The following DNAH6 variants were observed in gnomAD, a reference collection of about 807,000 sequenced individuals.
DNAH6 encodes the protein axonemal beta dynein heavy chain 6.
A neutral mutation model predicts 491.4 loss-of-function variants in DNAH6; 340 were observed. That is an observed-to-expected ratio of 0.69 (90% CI 0.63 to 0.76). The LOEUF is 0.76. Ranked by LOEUF, DNAH6 falls within the 30% of genes least tolerant of loss-of-function variation. The pLI is 0.00. For missense variants in DNAH6, 4,443 were observed against 4,972.2 expected, an observed-to-expected ratio of 0.89 and a Z score of 3.20; for synonymous variants, 1,603 against 1,686.1, an observed-to-expected ratio of 0.95 and a Z score of 1.21.
chr2:84,595,855 C>T (rs1684527375), intron 18 of DNAH6, 66 bp downstream of exon 18: 1 of 1,392,618 alleles, frequency 7.2e-7, no homozygotes, highest in South Asian at 1.7e-5. Flanking sequence ...GCTAATGAGA[C>T]CAAAATCAGG....
intron 64 of DNAH6, among the ~76,000 whole-genome samples, chr2:84,769,412 T>G (rs184281369): frequency 6.6e-5 from 10 of 152,344 alleles, no homozygotes; most frequent in African/African-American, 2.2e-4. Context: ...TAATCAACTT[T>G]ATCAAAACTC....
chr2:84,779,095 TG>T (rs1676426544), intron 64 of DNAH6, among the ~76,000 whole-genome samples: 1 of 152,208 alleles, frequency 6.6e-6, no homozygotes, highest in Non-Finnish European at 1.5e-5. Context: ...CACATACAGA[TG>T]AAAAAAATGT....
At chr2:84,804,261 A>G (rs1324631232) in intron 70 of DNAH6, among the ~76,000 whole-genome samples, 1 of 151,850 alleles carries the variant, frequency 6.6e-6, no homozygotes, top group African/African-American at 2.4e-5. Flanking sequence ...TTTCCAAAAA[A>G]TAGATAAGTA....
intron 4 of DNAH6, among the ~76,000 whole-genome samples, chr2:84,535,596 A>G (rs2104479764): frequency 6.6e-6 from 1 of 151,872 alleles, no homozygotes; most frequent in East Asian, 1.9e-4. Flanking sequence ...AACACATAAT[A>G]TCTAACATCA....
chr2:84,769,265 T>G (rs1250517576), intron 64 of DNAH6, among the ~76,000 whole-genome samples: 1 of 152,192 alleles, frequency 6.6e-6, no homozygotes, highest in African/African-American at 2.4e-5. Flanking sequence ...AAAGCCATAT[T>G]TTACGTGCCT....
rs1267994844 is a variant in DNAH6, at chr2:84,733,407, C to CT, written c.10207-34dup. ...AAGTGAAAGTATATTTTGTGATTGC[C>CT]TTTGTGAATTATTATTCATTTTCTG... On this transcript the variant is annotated intron_variant, in intron 61 of 76. Coordinates refer to ENST00000389394, the MANE Select transcript of DNAH6 (RefSeq NM_001370.2). The CT allele has an allele frequency of 5.2e-6, 8 of 1,536,400 alleles. 1 individual carries two copies. In the Admixed American group the frequency reaches 7.9e-5, roughly 15 times the overall value.
chr2:84,709,628 C>T (rs1166859715), intron 55 of DNAH6, 82 bp downstream of exon 55: 3 of 1,429,828 alleles, frequency 2.1e-6, no homozygotes, highest in African/African-American at 1.4e-5. Flanking sequence ...AAGTGGGCCT[C>T]AATGTACTTG....
chr2:84,508,087 G>A, the DNAH6 span, among the ~76,000 whole-genome samples: 1 of 152,232 alleles, frequency 6.6e-6, no homozygotes, highest in Non-Finnish European at 1.5e-5. Flanking sequence ...CTCATAAAAT[G>A]AGTTAGGGAG....
chr2:84,585,626 C>T (rs1414296062), intron 15 of DNAH6, among the ~76,000 whole-genome samples: 1 of 152,026 alleles, frequency 6.6e-6, no homozygotes, highest in East Asian at 1.9e-4. Context: ...GGGTAGCTCC[C>T]CTCTGCAGCT....
chr2:84,728,455 CTG>C (rs1305167656), intron 61 of DNAH6, among the ~76,000 whole-genome samples: 5 of 152,224 alleles, frequency 3.3e-5, no homozygotes, highest in Admixed American at 1.3e-4. Context: ...CTCCAACTAA[CTG>C]TGTAATGTAT....
intron 59 of DNAH6, among the ~76,000 whole-genome samples, chr2:84,720,992 G>A (rs535409611): frequency 6.6e-6 from 1 of 152,258 alleles, no homozygotes. Flanking sequence ...ACTCCTCTCA[G>A]CTCTTAGAAT....
Position 84,607,022 on chromosome 2 carries a change from C to T in DNAH6, c.3221C>T (p.Ser1074Leu), listed in dbSNP as rs1342356725. The change falls in exon 21 of 77, where the codon TCA becomes TTA. Residue 1074 changes from serine to leucine, a missense_variant. Ser to Leu is a moderately radical substitution (Grantham distance 145). This residue lies in a region of DNAH6 where 2,977 missense variants were observed against 3,296.6 expected (regional missense o/e 0.90). Transcript: ENST00000389394. The part of the protein sequence containing the change: ...STINVATLAS[S>L]RYLGPLKTRV... ...ATCAATGTTGCAACTCTTGCCTCAT[C>T]ACGTTACCTTGGTCCACTGAAAACT... The T allele has an allele frequency of 2.6e-6, 4 of 1,551,442 alleles. No individual in the cohort carries two copies. The South Asian group carries it at 4.8e-5, about 18-fold the overall frequency.
At position 84,669,406 on chromosome 2, in the gene DNAH6, A is replaced by G. The variant is rs771020390; in HGVS notation, c.6202A>G (p.Met2068Val). The G allele has an allele frequency of 7.7e-6, 12 of 1,552,058 alleles. No individual in the cohort carries two copies. The highest frequency in any genetic ancestry group is 1.0e-5 in the Non-Finnish European group (12 of 1,147,052). The change falls in exon 38 of 77, where the codon ATG (methionine) becomes GTG (valine). Residue 2068 changes from methionine to valine, a missense_variant. Met to Val is a conservative substitution (Grantham distance 21, BLOSUM62 1). This residue lies in a region of DNAH6 where 2,977 missense variants were observed against 3,296.6 expected (regional missense o/e 0.90). Coordinates refer to ENST00000389394, the MANE Select transcript of DNAH6 (RefSeq NM_001370.2). ...KYNRDVPFFEMLVPTTDTVRY... is the reference protein window; with the variant it reads ...KYNRDVPFFEVLVPTTDTVRY... The stretch of plus-strand genomic sequence containing the variant: ...CAACCGAGATGTTCCATTTTTTGAA[A>G]TGCTTGTCCCCACAACTGACACAGT...
rs1219408576 is a variant in DNAH6 at position 84,787,373 on chromosome 2, C to G, written c.11239+71C>G. On this transcript the variant is annotated intron_variant, in intron 68 of 76. Coordinates refer to ENST00000389394, the MANE Select transcript of DNAH6 (RefSeq NM_001370.2). Reference sequence around the variant, plus strand: ...GTTGTTGGTTTACTCCCACCTGGCCCTTACAAAGATGGTGTCCTCCCCCAG... The same window carrying G: ...GTTGTTGGTTTACTCCCACCTGGCCGTTACAAAGATGGTGTCCTCCCCCAG... The G allele has an allele frequency of 4.8e-6, 6 of 1,261,218 alleles. No homozygotes were observed. The East Asian group carries it at 1.6e-4, about 34-fold the overall frequency. 78.1% of individuals were successfully genotyped at this position (1,261,218 alleles called of 1,614,324 possible).
At chr2:84,510,927 C>T in the DNAH6 span, among the ~76,000 whole-genome samples, 1 of 152,160 alleles carries the variant, frequency 6.6e-6, no homozygotes, top group Admixed American at 6.5e-5. Flanking sequence ...CTGATCATTC[C>T]ACTGGAAGTT....
At chr2:84,533,260 T>G (rs551482699) in intron 4 of DNAH6, among the ~76,000 whole-genome samples, 1 of 152,170 alleles carries the variant, frequency 6.6e-6, no homozygotes, top group Admixed American at 6.6e-5. Flanking sequence ...GGATACTAAC[T>G]GTGCACTTTT....
intron 71 of DNAH6, among the ~76,000 whole-genome samples, chr2:84,808,029 G>A (rs1325242976): frequency 6.6e-6 from 1 of 152,030 alleles, no homozygotes; most frequent in Non-Finnish European, 1.5e-5. Context: ...AGATCACATA[G>A]CTCACACTGG....
chr2:84,794,426 C>T (rs1678109234), intron 68 of DNAH6, among the ~76,000 whole-genome samples: 1 of 151,348 alleles, frequency 6.6e-6, no homozygotes, highest in Non-Finnish European at 1.5e-5. Flanking sequence ...GCAACCTACT[C>T]ATCTGACAAA....
intron 63 of DNAH6, among the ~76,000 whole-genome samples, chr2:84,757,235 T>C (rs1198816346): frequency 6.6e-6 from 1 of 152,080 alleles, no homozygotes; most frequent in African/African-American, 2.4e-5. Context: ...AAGAAGCCCT[T>C]GAGGACCAAG....
Sources: gnomAD v4.1 joint callset for allele counts (sites outside exome capture counted in the v4.1 genomes callset) on GRCh38, gnomAD v4.1.1 for gene constraint, gnomAD v4.1.1 regional missense constraint, MANE v1.5 for transcripts, NCBI Gene and HGNC (gene_info 2026-07-23, HGNC 2026-07-21) for gene names.